Variants in SNED1 observed in about 807,000 individuals in gnomAD.
SNED1 encodes sushi, nidogen and EGF like domains 1.
A neutral mutation model predicts 166.7 loss-of-function variants in SNED1; 81 were observed. The ratio of observed to expected loss-of-function variants is 0.49; its 90% CI spans 0.41 to 0.58. SNED1 has a LOEUF of 0.58. SNED1 is among the 20% of genes least tolerant of loss of function. The probability of loss-of-function intolerance (pLI) is 0.00; values close to 1 mark genes in which losing one functional copy is unlikely to be tolerated. For synonymous variants in SNED1, 762 were observed against 822.0 expected (o/e 0.93, Z 1.25); for missense variants, 1,604 against 2,000.2 (o/e 0.80, Z 3.78).
At chr2:241,009,683 G>T (rs34478768) in intron 1 of SNED1, among the ~76,000 whole-genome samples, 3 of 152,036 alleles carry the variant, frequency 2.0e-5, no homozygotes, top group Non-Finnish European at 4.4e-5. Context: ...TCCCCTGTCC[G>T]GGGGCGCTGA....
At chr2:241,079,556 G>A (rs961161642) in intron 27 of SNED1, among the ~76,000 whole-genome samples, 2 of 152,148 alleles carry the variant, frequency 1.3e-5, no homozygotes, top group East Asian at 3.9e-4. Context: ...AATGAGGAGG[G>A]AAAGAACTGC....
intron 1 of SNED1, among the ~76,000 whole-genome samples, chr2:241,009,714 C>T: frequency 6.6e-6 from 1 of 152,164 alleles, no homozygotes; most frequent in East Asian, 1.9e-4. Flanking sequence ...GATGTCCCCT[C>T]CTCCAGGAAG....
intron 8 of SNED1, among the ~76,000 whole-genome samples, chr2:241,042,642 G>A (rs991138818): frequency 6.6e-6 from 1 of 151,800 alleles, no homozygotes. Context: ...AATCAAGATT[G>A]TTGAGGGGAA....
chr2:241,027,733 G>GTTT (rs1553561255), intron 1 of SNED1, among the ~76,000 whole-genome samples: 2 of 135,664 alleles, frequency 1.5e-5, no homozygotes. Flanking sequence ...ATTTTCTTCT[G>GTTT]TTTTTTTTTT....
rs2061242761 is a variant in SNED1 at position 241,033,256 on chromosome 2, A to G, written c.502-479A>G. On this transcript the variant is annotated intron_variant, in intron 2 of 31. Transcript: ENST00000310397. ...AGTCCCGATCCTTTGCTTGATTCTC[A>G]TCTGGCGTACCTCATCTGTACGCTG... Among the ~76,000 whole-genome samples the G allele has an allele frequency of 5.3e-5, 8 of 152,134 alleles. No homozygotes were observed. In the South Asian group the frequency reaches 1.7e-3, roughly 32 times the overall value.
Position 241,040,288 on chromosome 2 carries a change from G to A in SNED1, c.1160-12G>A. 6.3e-7 allele frequency: 1 copy of A among 1,591,958 alleles called. No homozygotes were observed. Among genetic ancestry groups the A allele is most frequent in the African/African-American group, 1.3e-5 (1 of 74,646 alleles). The stretch of plus-strand genomic sequence containing the variant: ...TGGCTCAAGCCAAGCCCGCACCTCT[G>A]CTGCCCCTCAGATGTGGACGACTGC... On this transcript the variant is annotated splice_polypyrimidine_tract_variant and intron_variant, in intron 7 of 31. Transcript: ENST00000310397.
At chr2:241,083,153 C>T (rs1423327519) in intron 29 of SNED1, among the ~76,000 whole-genome samples, 2 of 152,180 alleles carry the variant, frequency 1.3e-5, no homozygotes, top group African/African-American at 2.4e-5. Context: ...CCAGGAGAGC[C>T]TGCTGGGGAT....
In SNED1 at chr2:241,048,321, A is replaced by T; in HGVS notation, c.1280A>T (p.His427Leu). 1.9e-6 allele frequency: 3 copies of T among 1,603,606 alleles called. No homozygotes were observed. Among genetic ancestry groups the T allele is most frequent in the East Asian group, 4.5e-5 (2 of 44,810 alleles). ...ACTGCCGTCTTTCTTGCAGGAGACC[A>T]TCCAGTGCCAGACGCCTGCCTCTCG... ...FKGLRCETGD[H>L]PVPDACLSAP... Residue 427 changes from histidine to leucine, a missense_variant, in exon 9 of 32, where the codon CAT (histidine) becomes CTT (leucine). His to Leu is a moderately conservative substitution (Grantham distance 99). Coordinates refer to ENST00000310397, the MANE Select transcript of SNED1 (RefSeq NM_001080437.3).
At chr2:241,065,018 C>A in intron 20 of SNED1, 61 bp downstream of exon 20, 2 of 1,280,226 alleles carry the variant, frequency 1.6e-6, no homozygotes, top group Non-Finnish European at 2.1e-6. Context: ...CCCTAGAGGG[C>A]CCAACGGTCT....
intron 1 of SNED1, among the ~76,000 whole-genome samples, chr2:241,002,449 C>T (rs866557861): frequency 6.6e-6 from 1 of 152,216 alleles, no homozygotes; most frequent in Non-Finnish European, 1.5e-5. Flanking sequence ...CGGGCTGGCC[C>T]ACCCCCTGCT....
chr2:241,056,867 C>CA (rs2062063090), intron 16 of SNED1, among the ~76,000 whole-genome samples: 1 of 152,070 alleles, frequency 6.6e-6, no homozygotes, highest in South Asian at 2.1e-4. Context: ...AGGCATGAGC[C>CA]ACTGCGCCGG....
chr2:241,049,991 C>A (rs1240561255), intron 12 of SNED1, 58 bp downstream of exon 12: 1 of 1,249,060 alleles, frequency 8.0e-7, no homozygotes, highest in Non-Finnish European at 1.2e-6. Context: ...GCCCGCGGTC[C>A]GCCGTCCTGC....
chr2:241,068,835 G>A lies in SNED1; in HGVS notation c.3195-76G>A. The A allele has an allele frequency of 9.8e-7, 1 of 1,021,086 alleles. No homozygotes were observed. Among genetic ancestry groups the A allele is most frequent in the East Asian group, 2.7e-5 (1 of 37,694 alleles). The allele number at this position is 1,021,086 out of a possible 1,614,324, so 63.3% of individuals were successfully genotyped here. On this transcript the variant is annotated intron_variant, in intron 22 of 31. Coordinates refer to ENST00000310397, the MANE Select transcript of SNED1 (RefSeq NM_001080437.3). The surrounding 1 kb of genome is among the most constrained non-coding windows in gnomAD (Gnocchi z 5.3). ...CCCCGCAGTCACCTCCTGCCTGGGG[G>A]AGCTGCGGTCTGGCAGCAGAGTCAC... is the stretch of plus-strand genomic sequence containing the variant.
chr2:241,040,182 G>A lies in SNED1; in HGVS notation c.1153G>A (p.Glu385Lys), dbSNP rs1250651873. The A allele has an allele frequency of 1.4e-5, 23 of 1,593,608 alleles. No homozygotes were observed. Among genetic ancestry groups the A allele is most frequent in the Non-Finnish European group, 1.8e-5 (21 of 1,169,970 alleles). The change falls in exon 7 of 32, where the codon GAG becomes AAG. Residue 385 changes from glutamate to lysine, a missense_variant. Glu to Lys is a moderately conservative substitution (Grantham distance 56, BLOSUM62 1). This residue lies in a region of SNED1 where 1,237 missense variants were observed against 1,620.8 expected (regional missense o/e 0.76). Transcript: ENST00000310397. ...CQAGYTGAAC[E>K]MDVDDCSPDP... ...GGCCGGATACACCGGAGCAGCCTGC[G>A]AGATGGGTGAGTGGCCTGGCTTCGG...
At chr2:241,000,247 C>T (rs1447341041) in intron 1 of SNED1, among the ~76,000 whole-genome samples, 8 of 152,176 alleles carry the variant, frequency 5.3e-5, no homozygotes, top group Non-Finnish European at 4.4e-5. Flanking sequence ...TCTAGTGCGC[C>T]TCCCACCCCA....
chr2:241,073,829 C>A lies in SNED1; in HGVS notation c.3916+465C>A. The A allele has an allele frequency of 4.4e-6, 1 of 227,524 alleles. No homozygotes were observed. Among genetic ancestry groups the A allele is most frequent in the Non-Finnish European group, 8.6e-6 (1 of 116,060 alleles). The allele number at this position is 227,524 out of a possible 1,614,324, so 14.1% of individuals were successfully genotyped here. A position where few individuals can be genotyped will look rare whatever the true frequency, so the allele number is the denominator to read the frequency against. ...CTGTGGACACTCAGGTTATGCAGGA[C>A]CTGAACTGTCTCCTAGTCCGGGGCT... On this transcript the variant is annotated intron_variant, in intron 27 of 31. Coordinates refer to ENST00000310397, the MANE Select transcript of SNED1 (RefSeq NM_001080437.3). The surrounding 1 kb of genome is among the most constrained non-coding windows in gnomAD (Gnocchi z 6.6).
chr2:241,041,930 GA>G (rs1324795937), intron 8 of SNED1, among the ~76,000 whole-genome samples: 1 of 152,138 alleles, frequency 6.6e-6, no homozygotes, highest in African/African-American at 2.4e-5. Flanking sequence ...CAAAATCTGT[GA>G]AACCCTTTTC....
Position 241,052,422 on chromosome 2 carries a change from C to T in SNED1, c.2037C>T (p.Phe679=), listed in dbSNP as rs1559268347. 6.2e-7 allele frequency: 1 copy of T among 1,607,922 alleles called. No individual in the cohort carries two copies. The highest frequency in any genetic ancestry group is 8.5e-7 in the Non-Finnish European group (1 of 1,177,052). ...GGTCEDRDTD[F]FCHCQAGYMG... is the part of the protein sequence containing the mutation. ...CCTGCGAGGACCGGGACACGGATTT[C>T]TTCTGCCACTGCCAAGCAGGGTACA... The change falls in exon 15 of 32, where the codon TTC becomes TTT. Residue 679 remains phenylalanine (F), a synonymous_variant. Coordinates refer to ENST00000310397, the MANE Select transcript of SNED1 (RefSeq NM_001080437.3).
intron 16 of SNED1, among the ~76,000 whole-genome samples, chr2:241,054,026 C>T (rs531991368): frequency 1.3e-5 from 2 of 152,308 alleles, no homozygotes; most frequent in African/African-American, 4.8e-5. Flanking sequence ...ATAAGCCCAT[C>T]CCTGTCCCCC....
Sources: gnomAD v4.1 joint callset for allele counts (sites outside exome capture counted in the v4.1 genomes callset) on GRCh38, gnomAD v4.1.1 for gene constraint, gnomAD v4.1.1 regional missense constraint, Gnocchi (gnomAD v3.1) non-coding constraint, MANE v1.5 for transcripts, NCBI Gene and HGNC (gene_info 2026-07-23, HGNC 2026-07-21) for gene names.